Variants in NIN observed in about 807,000 individuals in gnomAD.
NIN encodes the protein ninein, also known as glycogen synthase kinase 3 beta-interacting protein.
NIN carries 137 observed loss-of-function variants against 257.6 expected under a neutral mutation model. The observed-to-expected ratio is 0.53, with a 90% CI of 0.46 to 0.61. The LOEUF is 0.61. NIN is among the 20% of genes least tolerant of loss of function. The probability of loss-of-function intolerance (pLI) is 0.00; values close to 1 mark genes in which losing one functional copy is unlikely to be tolerated. For missense variants in NIN, 2,439 were observed against 2,501.2 expected (o/e 0.98, Z 0.53); for synonymous variants, 918 against 919.8 (o/e 1.00, Z 0.04).
intron 5 of NIN, among the ~76,000 whole-genome samples, chr14:50,782,713 C>T (rs2043183355): frequency 6.6e-6 from 1 of 152,206 alleles, no homozygotes; most frequent in African/African-American, 2.4e-5. Flanking sequence ...TAAATTCTCA[C>T]TAAATTTATT....
chr14:50,740,813 A>T (rs888182473), intron 25 of NIN, among the ~76,000 whole-genome samples: 2 of 152,242 alleles, frequency 1.3e-5, no homozygotes, highest in African/African-American at 4.8e-5. Context: ...AAAAAGTTTC[A>T]CCAAGAGATA....
chr14:50,766,235 G>T, intron 14 of NIN, 72 bp downstream of exon 14: 1 of 1,132,042 alleles, frequency 8.8e-7, no homozygotes, highest in Non-Finnish European at 1.3e-6. Flanking sequence ...GGGTCACAGA[G>T]CTAGGGAACG....
At chr14:50,728,543 C>T (rs1026697468) in intron 29 of NIN, among the ~76,000 whole-genome samples, 3 of 152,156 alleles carry the variant, frequency 2.0e-5, no homozygotes, top group African/African-American at 7.2e-5. Flanking sequence ...ACTGCAAAGC[C>T]ACTTTGAGGG....
intron 5 of NIN, among the ~76,000 whole-genome samples, chr14:50,786,317 C>T (rs1003716088): frequency 1.4e-5 from 2 of 143,852 alleles, no homozygotes; most frequent in Non-Finnish European, 3.0e-5. Context: ...TCATCATGAA[C>T]ATTAATTCTT....
chr14:50,769,052 T>C (rs2042619639), intron 12 of NIN, among the ~76,000 whole-genome samples: 1 of 152,216 alleles, frequency 6.6e-6, no homozygotes, highest in Non-Finnish European at 1.5e-5. Flanking sequence ...GTTAGATGGC[T>C]AGGGAGTAAT....
rs151284612 is a variant in NIN, at chr14:50,757,150, G to A, written c.3880C>T (p.Leu1294=). Residue 1294 remains leucine (L), a synonymous_variant, in exon 18 of 31, where the codon CTG becomes TTG. Transcript: ENST00000530997. ...TAEVFRLQDE[L]KKMEEVTETF... ...TCAGTGACTTCCTCCATTTTCTTCA[G>A]CTCATCCTGCAACCTGAAAACCTCT... is the stretch of plus-strand genomic sequence containing the variant. 4.1e-4 allele frequency: 657 copies of A among 1,612,554 alleles called. 2 individuals carry two copies. In the African/African-American group the frequency reaches 8.1e-3, roughly 20 times the overall value.
Position 50,771,371 on chromosome 14 carries a change from G to A in NIN, c.1079C>T (p.Ala360Val), listed in dbSNP as rs769471241. Residue 360 changes from alanine to valine, a missense_variant, in exon 10 of 31, where the codon GCG (alanine) becomes GTG (valine). Physicochemically the swap from Ala to Val is moderately conservative, Grantham distance 64 (BLOSUM62 0). This residue lies in a region of NIN where 9 missense variants were observed against 23.7 expected (regional missense o/e 0.38). Transcript: ENST00000530997. ...LLVTKNSIHQ[A>V]ALASFKAEIR... is the part of the protein sequence containing the mutation. ...TTCAGCCTTAAAGCTGGCCAGAGCC[G>A]CCTGGTGAATGCTGTTCTTGGTAAC... is the stretch of plus-strand genomic sequence containing the variant. 66 of 1,614,174 alleles carry A rather than the reference G, an allele frequency of 4.1e-5. No homozygotes were observed. Among genetic ancestry groups the A allele is most frequent in the Middle Eastern group, 3.3e-4 (2 of 6,060 alleles).
In NIN at chr14:50,748,003, T is replaced by G. The variant is rs1338449186; in HGVS notation, c.5053A>C (p.Lys1685Gln). Residue 1685 changes from lysine (K) to glutamine (Q), a missense_variant, in exon 22 of 31, where the codon AAA (lysine) becomes CAA (glutamine). Around this residue, in one of 3 missense-constraint regions of NIN, gnomAD observed 2,043 missense variants for 2,050.2 expected, o/e 1.00. Transcript: ENST00000530997. Reference protein sequence around the residue: ...ENHLLKDELEKMKQLHRCPDL... With the variant: ...ENHLLKDELEQMKQLHRCPDL... ...GCACACAGCCTTACCTGTTTCATTT[T>G]CTCCAGTTCATCTTTGAGAAGGTGG... is the stretch of plus-strand genomic sequence containing the variant. 1 of 1,611,234 alleles carries G rather than the reference T, an allele frequency of 6.2e-7. No individual in the cohort carries two copies.
rs184668348 is a variant in NIN, at chr14:50,732,952, C to T, written c.5877+2564G>A. 4.5e-4 allele frequency among the ~76,000 whole-genome samples: 68 copies of T among 151,944 alleles called. 1 individual carries two copies. The highest frequency in any genetic ancestry group is 1.6e-3 in the African/African-American group (68 of 41,444). On this transcript the variant is annotated intron_variant, in intron 28 of 30. Transcript: ENST00000530997. ...AATATAGGAGAGATCAGGGAACTCC[C>T]AACACTTTGGGAGGCTGAGGTGGGA...
At chr14:50,766,029 G>A (rs1477252593) in intron 14 of NIN, among the ~76,000 whole-genome samples, 1 of 126,388 alleles carries the variant, frequency 7.9e-6, no homozygotes, top group African/African-American at 3.1e-5. Flanking sequence ...TCCCCAGAGT[G>A]TAATATTCCC....
chr14:50,726,251 A>C (rs1215992789), intron 29 of NIN, 185 bp from the exon 30 acceptor site: 1 of 539,150 alleles, frequency 1.9e-6, no homozygotes, highest in Non-Finnish European at 3.3e-6. Flanking sequence ...AAGTAACCCT[A>C]TCAGATAAAG....
At chr14:50,743,189 C>T (rs1052546867) in intron 24 of NIN, among the ~76,000 whole-genome samples, 2 of 151,624 alleles carry the variant, frequency 1.3e-5, no homozygotes, top group South Asian at 2.1e-4. Flanking sequence ...AGGCTGATCT[C>T]GAACTCCTGA....
Position 50,792,702 on chromosome 14 carries a change from G to A in NIN, c.435+10C>T, listed in dbSNP as rs1386900554. Reference sequence around the variant, plus strand: ...ATGATCCAGATGAACGTGCATGCCCGATTCCTTACCTCACTGCAGTCACCG... The same window carrying A: ...ATGATCCAGATGAACGTGCATGCCCAATTCCTTACCTCACTGCAGTCACCG... On this transcript the variant is annotated intron_variant, in intron 5 of 30. Coordinates refer to ENST00000530997, the MANE Select transcript of NIN (RefSeq NM_020921.4). 1.9e-6 allele frequency: 3 copies of A among 1,614,056 alleles called. No homozygotes were observed. The highest frequency in any genetic ancestry group is 1.1e-5 in the South Asian group (1 of 91,054).
chr14:50,782,805 C>T (rs2043186375), intron 5 of NIN, among the ~76,000 whole-genome samples: 1 of 152,192 alleles, frequency 6.6e-6, no homozygotes, highest in South Asian at 2.1e-4. Flanking sequence ...CATATTATGA[C>T]AGATGAGGCG....
chr14:50,752,359 T>C (rs2041824052), intron 21 of NIN, among the ~76,000 whole-genome samples, 159 bp downstream of exon 21: 2 of 152,196 alleles, frequency 1.3e-5, no homozygotes, highest in African/African-American at 4.8e-5. Context: ...TGGGTCTAAT[T>C]CTAGACTTTC....
chr14:50,766,756 G>C, intron 13 of NIN, 24 bp downstream of exon 13: 1 of 1,506,678 alleles, frequency 6.6e-7, no homozygotes, highest in Non-Finnish European at 9.2e-7. Context: ...TGCCTATCAG[G>C]AAATGAGATT....
chr14:50,793,485 T>C (rs1357240442), intron 4 of NIN, among the ~76,000 whole-genome samples: 2 of 152,102 alleles, frequency 1.3e-5, no homozygotes, highest in African/African-American at 2.4e-5. Flanking sequence ...CAAGATCTCA[T>C]TGTAAAATTA....
intron 5 of NIN, among the ~76,000 whole-genome samples, chr14:50,785,105 G>A (rs1295140858): frequency 6.6e-6 from 1 of 152,270 alleles, no homozygotes; most frequent in Non-Finnish European, 1.5e-5. Context: ...CAGCTCTTGA[G>A]TTGTCCTACA....
At chr14:50,726,090 T>G in intron 29 of NIN, 24 bp from the exon 30 acceptor site, 1 of 1,567,790 alleles carries the variant, frequency 6.4e-7, no homozygotes, top group South Asian at 1.1e-5. Flanking sequence ...AAGTATATTA[T>G]TCGAAAATCA....
Sources: allele counts gnomAD v4.1 joint callset (sites outside exome capture counted in the v4.1 genomes callset), GRCh38; gene constraint gnomAD v4.1.1; regional missense constraint gnomAD v4.1.1; transcripts MANE v1.5; gene names NCBI Gene and HGNC (gene_info 2026-07-23, HGNC 2026-07-21).